The following SOX5 variants were observed in gnomAD, a reference collection of about 807,000 sequenced individuals.
SOX5 encodes the protein transcription factor SOX-5.
A neutral mutation model predicts 92.0 loss-of-function variants in SOX5; 9 were observed. The ratio of observed to expected loss-of-function variants is 0.10; its 90% CI spans 0.06 to 0.17. The LOEUF is 0.17. SOX5 is among the 10% of genes least tolerant of loss of function. The probability of loss-of-function intolerance (pLI) is 1.00; values close to 1 mark genes in which losing one functional copy is unlikely to be tolerated. For synonymous variants in SOX5, 344 were observed against 336.3 expected, an observed-to-expected ratio of 1.02 and a Z score of -0.25; for missense variants, 642 against 944.5, an observed-to-expected ratio of 0.68 and a Z score of 4.20.
chr12:24,237,913 A>T (rs1964829049), intron 3 of SOX5: 1 of 152,138 alleles, frequency 6.6e-6, no homozygotes, highest in Non-Finnish European at 1.5e-5. Context: ...CATCTCCAGG[A>T]ATCCCTGGTG....
chr12:23,603,159 C>T (rs1329481399), intron 9 of SOX5, among the ~76,000 whole-genome samples: 1 of 151,822 alleles, frequency 6.6e-6, no homozygotes, highest in Admixed American at 6.6e-5. Flanking sequence ...GGTTAGAGTG[C>T]CCTTTTCCAA....
chr12:24,375,813 T>C (rs1240006794), intron 1 of SOX5, among the ~76,000 whole-genome samples: 1 of 152,190 alleles, frequency 6.6e-6, no homozygotes, highest in African/African-American at 2.4e-5. Flanking sequence ...TGGATGAACT[T>C]TGACCCCAAT....
intron 4 of SOX5, among the ~76,000 whole-genome samples, chr12:24,176,832 A>G (rs1400279814): frequency 1.3e-5 from 2 of 152,328 alleles, no homozygotes; most frequent in African/African-American, 2.4e-5. Context: ...CTAACACTCT[A>G]GTCCCTGGAT....
chr12:24,406,037 G>T (rs1167990832), intron 1 of SOX5, among the ~76,000 whole-genome samples: 1 of 152,066 alleles, frequency 6.6e-6, no homozygotes, highest in Non-Finnish European at 1.5e-5. Context: ...CTGCAGCCTG[G>T]CTCCCATCCT....
chr12:23,742,451 A>G lies in SOX5; in HGVS notation c.569-1412T>C, dbSNP rs1382562483. 2.0e-5 allele frequency among the ~76,000 whole-genome samples: 3 copies of G among 152,138 alleles called. No homozygotes were observed. The South Asian group carries it at 6.2e-4, about 32-fold the overall frequency. ...TCTCAGATATTTGGATTCCATCAGA[A>G]TGAATGAACACTAACTCCATGAATA... On this transcript the variant is annotated intron_variant, in intron 4 of 14. Transcript: ENST00000451604.
At chr12:23,772,681 T>C (rs1422838851) in intron 3 of SOX5, among the ~76,000 whole-genome samples, 2 of 152,216 alleles carry the variant, frequency 1.3e-5, no homozygotes, top group Non-Finnish European at 2.9e-5. Context: ...CTCTTTCATT[T>C]ACAAGCTCTG....
intron 9 of SOX5, among the ~76,000 whole-genome samples, chr12:23,589,374 T>C (rs991690519): frequency 6.6e-6 from 1 of 151,778 alleles, no homozygotes; most frequent in Admixed American, 6.6e-5. Flanking sequence ...GTAAGGGAGG[T>C]CCACTCACTT....
intron 1 of SOX5, among the ~76,000 whole-genome samples, chr12:23,905,613 T>C (rs571352323): frequency 1.2e-3 from 186 of 152,308 alleles, no homozygotes; most frequent in Non-Finnish European, 2.1e-3. Flanking sequence ...TAAACTCCAC[T>C]GAAATCATTT....
intron 3 of SOX5, among the ~76,000 whole-genome samples, chr12:23,796,179 C>T (rs1163646101): frequency 6.6e-6 from 1 of 152,108 alleles, no homozygotes; most frequent in Non-Finnish European, 1.5e-5. Flanking sequence ...CCACTTCATT[C>T]AAAGTCCTTT....
intron 4 of SOX5, among the ~76,000 whole-genome samples, chr12:24,064,898 CAG>C (rs1264021324): frequency 1.3e-5 from 2 of 152,202 alleles, no homozygotes; most frequent in African/African-American, 4.8e-5. Context: ...AGCAGGGACA[CAG>C]GGTACAAACA....
chr12:24,032,433 T>A (rs1955605023), intron 4 of SOX5, among the ~76,000 whole-genome samples: 2 of 152,030 alleles, frequency 1.3e-5, no homozygotes, highest in African/African-American at 4.8e-5. Context: ...CAACATTGAT[T>A]AATAATATAA....
At chr12:24,552,892 C>T (rs1566454994) in intron 1 of SOX5, among the ~76,000 whole-genome samples, 1 of 152,086 alleles carries the variant, frequency 6.6e-6, no homozygotes, top group African/African-American at 2.4e-5. Flanking sequence ...ATTAGCTGGG[C>T]ATGCTGGCGC....
At chr12:24,082,459 A>G (rs2137627286) in intron 4 of SOX5, among the ~76,000 whole-genome samples, 1 of 149,880 alleles carries the variant, frequency 6.7e-6, no homozygotes, top group Admixed American at 6.7e-5. Flanking sequence ...CTCATCCTCC[A>G]AACAAACAAG....
At chr12:24,363,715 TG>T (rs1280738469) in intron 2 of SOX5, among the ~76,000 whole-genome samples, 4 of 103,162 alleles carry the variant, frequency 3.9e-5, no homozygotes, top group Admixed American at 2.0e-4. Context: ...AGGAAGCACA[TG>T]AAAAAAAAAA....
At chr12:23,900,892 G>A (rs958512645) in intron 1 of SOX5, among the ~76,000 whole-genome samples, 33 of 152,172 alleles carry the variant, frequency 2.2e-4, no homozygotes, top group African/African-American at 7.2e-4. Context: ...CCTGGGAAGC[G>A]GAGGTTGCAG....
At chr12:24,304,593 G>C (rs565541254) in intron 2 of SOX5, among the ~76,000 whole-genome samples, 2 of 152,234 alleles carry the variant, frequency 1.3e-5, no homozygotes, top group East Asian at 3.9e-4. Flanking sequence ...GTGTTTTGCA[G>C]ACCTCGCTCT....
intron 4 of SOX5, among the ~76,000 whole-genome samples, chr12:24,135,547 T>C (rs1325884396): frequency 6.6e-6 from 1 of 152,198 alleles, no homozygotes; most frequent in Non-Finnish European, 1.5e-5. Flanking sequence ...TAAATGAGAA[T>C]AACTAGGATT....
intron 5 of SOX5, among the ~76,000 whole-genome samples, chr12:23,735,122 T>A (rs139475886): frequency 7.1e-4 from 108 of 152,274 alleles, no homozygotes; most frequent in African/African-American, 2.3e-3. Context: ...AAGGGGAGGT[T>A]TAAGACTGAG....
intron 1 of SOX5, among the ~76,000 whole-genome samples, chr12:24,394,059 G>A (rs138359881): frequency 1.6e-4 from 24 of 152,222 alleles, no homozygotes; most frequent in East Asian, 7.7e-4. Context: ...GAAAGAAATC[G>A]GAAGAGACTG....
Sources: allele counts gnomAD v4.1 joint callset (sites outside exome capture counted in the v4.1 genomes callset), GRCh38; gene constraint gnomAD v4.1.1; transcripts MANE v1.5; gene names NCBI Gene and HGNC (gene_info 2026-07-23, HGNC 2026-07-21).